Variants in TNFRSF21 observed in about 807,000 individuals in gnomAD.
TNFRSF21 encodes TNF receptor superfamily member 21, also known as tumor necrosis factor receptor superfamily member 21.
In TNFRSF21, 19 loss-of-function variants were observed where a neutral mutation model predicts 45.6. The observed-to-expected ratio is 0.42, with a 90% CI of 0.29 to 0.61. The LOEUF (loss-of-function observed/expected upper bound fraction) is 0.61. Ranked by LOEUF, TNFRSF21 falls within the 20% of genes least tolerant of loss-of-function variation. TNFRSF21 has a pLI of 0.23. For synonymous variants in TNFRSF21, 314 were observed against 335.5 expected, an observed-to-expected ratio of 0.94 and a Z score of 0.70; for missense variants, 737 against 851.5, an observed-to-expected ratio of 0.87 and a Z score of 1.67.
Position 47,283,931 on chromosome 6 carries a change from G to C in TNFRSF21, c.1243+7C>G, listed in dbSNP as rs202064456. ...CTGTGAGCAAGGAGAGAAGAGAGAA[G>C]GCTCACCATGGCCATTGCAGTAGTA... On this transcript the variant is annotated splice_region_variant and intron_variant, in intron 3 of 5. Coordinates refer to ENST00000296861, the MANE Select transcript of TNFRSF21 (RefSeq NM_014452.5). 6.8e-6 allele frequency: 11 copies of C among 1,609,172 alleles called. No homozygotes were observed. In the Admixed American group the frequency reaches 8.4e-5, roughly 12 times the overall value.
At position 47,309,479 on chromosome 6, in the gene TNFRSF21, G is replaced by C; in HGVS notation, c.33C>G (p.Leu11=). The C allele has an allele frequency of 6.5e-7, 1 of 1,528,098 alleles. No individual in the cohort carries two copies. Among genetic ancestry groups the C allele is most frequent in the Non-Finnish European group, 8.7e-7 (1 of 1,144,868 alleles). 94.7% of individuals were successfully genotyped at this position (1,528,098 alleles called of 1,614,324 possible). A position where few individuals can be genotyped will look rare whatever the true frequency, so the allele number is the denominator to read the frequency against. MGTSPSSSTA[L]ASCSRIARRA... ...GGCGGGCGATGCGGCTGCAGGAGGCGAGGGCGGTGCTGCTGCTCGGAGAGG... is the reference window on the plus strand; with the variant it reads ...GGCGGGCGATGCGGCTGCAGGAGGCCAGGGCGGTGCTGCTGCTCGGAGAGG... Residue 11 remains leucine, a synonymous_variant, in exon 1 of 6, where the codon CTC becomes CTG. Transcript: ENST00000296861.
intron 3 of TNFRSF21, among the ~76,000 whole-genome samples, chr6:47,276,845 C>T (rs1425020847): frequency 1.3e-5 from 2 of 152,192 alleles, no homozygotes; most frequent in Non-Finnish European, 2.9e-5. Flanking sequence ...CTCAGAGGCT[C>T]TGCCCATTTG....
intron 1 of TNFRSF21, among the ~76,000 whole-genome samples, chr6:47,289,942 C>T (rs764345970): frequency 1.8e-4 from 28 of 151,954 alleles, no homozygotes; most frequent in Non-Finnish European, 3.4e-4. Flanking sequence ...TGCAGTGAGC[C>T]GAGATTGCGC....
chr6:47,270,463 A>G (rs1199212011), intron 3 of TNFRSF21, among the ~76,000 whole-genome samples: 1 of 152,238 alleles, frequency 6.6e-6, no homozygotes, highest in Non-Finnish European at 1.5e-5. Flanking sequence ...AATGAATAGC[A>G]TCAACATAAA....
At chr6:47,276,547 C>G (rs1762500498) in intron 3 of TNFRSF21, among the ~76,000 whole-genome samples, 1 of 152,212 alleles carries the variant, frequency 6.6e-6, no homozygotes, top group African/African-American at 2.4e-5. Context: ...AGACCAGATG[C>G]TGGTAGGCGA....
At position 47,232,563 on chromosome 6, in the gene TNFRSF21, TAA is replaced by T; in HGVS notation, c.*200_*201del. The T allele has an allele frequency of 2.0e-6, 1 of 498,740 alleles. No individual in the cohort carries two copies. Among genetic ancestry groups the T allele is most frequent in the Non-Finnish European group, 3.5e-6 (1 of 286,000 alleles). 30.9% of individuals were successfully genotyped at this position (498,740 alleles called of 1,614,324 possible). A position where few individuals can be genotyped will look rare whatever the true frequency, so the allele number is the denominator to read the frequency against. ...AAACCAACTTCCCAGAAGAGTTATTTAAAAAAAAAAGAGAGAGAGAGAAGGAG... is the reference window on the plus strand; with the variant it reads ...AAACCAACTTCCCAGAAGAGTTATTTAAAAAAAAGAGAGAGAGAGAAGGAG... On this transcript the variant is annotated 3_prime_UTR_variant, in exon 6 of 6. Transcript: ENST00000296861.
chr6:47,241,405 A>C (rs1001066392), intron 4 of TNFRSF21, among the ~76,000 whole-genome samples: 3 of 152,198 alleles, frequency 2.0e-5, no homozygotes, highest in African/African-American at 7.2e-5. Context: ...TTTTAAAATT[A>C]TTCTTCTGAG....
chr6:47,277,211 T>G (rs1457514199), intron 3 of TNFRSF21, among the ~76,000 whole-genome samples: 1 of 152,234 alleles, frequency 6.6e-6, no homozygotes, highest in African/African-American at 2.4e-5. Flanking sequence ...CAGGCTGGTC[T>G]TGAACTACTG....
At chr6:47,271,804 A>T (rs1297698438) in intron 3 of TNFRSF21, among the ~76,000 whole-genome samples, 1 of 152,142 alleles carries the variant, frequency 6.6e-6, no homozygotes, top group Non-Finnish European at 1.5e-5. Context: ...GGCTCAAAAT[A>T]AGGGGATGGA....
rs1303748976 is a variant in TNFRSF21 at position 47,309,715 on chromosome 6, G to A, written c.-204C>T. The stretch of plus-strand genomic sequence containing the variant: ...GGGCGCTCAGCACCTGCCCAGCGGC[G>A]CGGCCGCCCAGGCGGGGAGAAGCCG... On this transcript the variant is annotated 5_prime_UTR_variant, in exon 1 of 6. Transcript: ENST00000296861. The A allele has an allele frequency of 5.9e-6, 4 of 674,628 alleles. No homozygotes were observed. Among genetic ancestry groups the A allele is most frequent in the Non-Finnish European group, 8.4e-6 (4 of 474,708 alleles). 41.8% of individuals were successfully genotyped at this position (674,628 alleles called of 1,614,324 possible).
rs1333064167 is a variant in TNFRSF21 at position 47,233,707 on chromosome 6, AATAT to A, written c.1739-717_1739-714del. ...TGTAAATGTAAAATAGATTAATATAAATATATAAAGTACACAAATTATAAATATG... is the reference window on the plus strand; with the variant it reads ...TGTAAATGTAAAATAGATTAATATAAATAAAGTACACAAATTATAAATATG... On this transcript the variant is annotated intron_variant, in intron 5 of 5. Transcript: ENST00000296861. Among the ~76,000 whole-genome samples the A allele has an allele frequency of 4.6e-5, 7 of 150,626 alleles. No individual in the cohort carries two copies. In the South Asian group the frequency reaches 6.2e-4, roughly 13 times the overall value.
At chr6:47,294,738 C>A (rs1762772447) in intron 1 of TNFRSF21, among the ~76,000 whole-genome samples, 1 of 151,998 alleles carries the variant, frequency 6.6e-6, no homozygotes, top group Non-Finnish European at 1.5e-5. Context: ...ACTATGTTGC[C>A]CAGGCTGATC....
At chr6:47,254,778 C>G (rs1736852032) in intron 3 of TNFRSF21, among the ~76,000 whole-genome samples, 1 of 152,030 alleles carries the variant, frequency 6.6e-6, no homozygotes, top group Non-Finnish European at 1.5e-5. Flanking sequence ...AGACAGCAGC[C>G]AAAATGACTG....
chr6:47,283,539 C>T (rs745550656), intron 3 of TNFRSF21, among the ~76,000 whole-genome samples: 2 of 152,186 alleles, frequency 1.3e-5, no homozygotes, highest in Non-Finnish European at 2.9e-5. Flanking sequence ...ATAGCAAAAG[C>T]AAGTGCTCCA....
chr6:47,308,199 A>AAC (rs778294320), intron 1 of TNFRSF21, among the ~76,000 whole-genome samples: 23 of 152,354 alleles, frequency 1.5e-4, no homozygotes, highest in Non-Finnish European at 2.6e-4. Context: ...TTCCTCTTAA[A>AAC]ACACACACAC....
At chr6:47,256,481 C>G (rs1764990308) in intron 3 of TNFRSF21, among the ~76,000 whole-genome samples, 1 of 152,190 alleles carries the variant, frequency 6.6e-6, no homozygotes, top group Non-Finnish European at 1.5e-5. Context: ...CAAGATTACA[C>G]AACTGCACTC....
intron 3 of TNFRSF21, among the ~76,000 whole-genome samples, chr6:47,271,523 A>T (rs1373869454): frequency 6.6e-6 from 1 of 152,206 alleles, no homozygotes. Context: ...AGCACAAAAC[A>T]TGCAGAGAAA....
chr6:47,286,258 G>C lies in TNFRSF21; in HGVS notation c.434C>G (p.Ala145Gly). ...PGMFQSNATC[A>G]PHTVCPVGWG... is the part of the protein sequence containing the mutation. ...ACCCACAGGACACACCGTATGGGGG[G>C]CACAGGTAGCGTTAGACTGGAACAT... Residue 145 changes from alanine to glycine, a missense_variant, in exon 2 of 6, where the codon GCC becomes GGC. By Grantham distance (60) the Ala-to-Gly change is moderately conservative (BLOSUM62 0). Coordinates refer to ENST00000296861, the MANE Select transcript of TNFRSF21 (RefSeq NM_014452.5). The C allele has an allele frequency of 6.2e-7, 1 of 1,614,194 alleles. No homozygotes were observed. Among genetic ancestry groups the C allele is most frequent in the Non-Finnish European group, 8.5e-7 (1 of 1,180,032 alleles).
chr6:47,249,571 G>A (rs1186993672), intron 4 of TNFRSF21, among the ~76,000 whole-genome samples: 1 of 152,128 alleles, frequency 6.6e-6, no homozygotes, highest in Non-Finnish European at 1.5e-5. Flanking sequence ...CCAGGAGGAA[G>A]GTATTAAGAA....
Sources: allele counts gnomAD v4.1 joint callset (sites outside exome capture counted in the v4.1 genomes callset), GRCh38; gene constraint gnomAD v4.1.1; transcripts MANE v1.5; gene names NCBI Gene and HGNC (gene_info 2026-07-23, HGNC 2026-07-21).